The following TULP3 variants were observed in gnomAD, a reference collection of about 807,000 sequenced individuals.
TULP3 encodes tubby-related protein 3.
TULP3 carries 38 observed loss-of-function variants against 50.7 expected under a neutral mutation model. The ratio of observed to expected loss-of-function variants is 0.75; its 90% CI spans 0.58 to 0.98. TULP3 has a LOEUF of 0.98. Ranked by LOEUF, TULP3 falls within the 50% of genes least tolerant of loss-of-function variation. TULP3 has a pLI of 0.00. For missense variants in TULP3, 550 were observed against 568.0 expected, an observed-to-expected ratio of 0.97 and a Z score of 0.32; for synonymous variants, 183 against 196.6, an observed-to-expected ratio of 0.93 and a Z score of 0.58.
chr12:2,940,689 C>T lies in TULP3; in HGVS notation c.*1245C>T, dbSNP rs764518178. The T allele has an allele frequency of 7.3e-5, 114 of 1,551,512 alleles. No individual in the cohort carries two copies. The highest frequency in any genetic ancestry group is 3.7e-4 in the Admixed American group (19 of 50,968). ...CTTCTGTGGACTGACCTCTCACCTC[C>T]GCCTGTTGTTCCTGCACCACATCAG... On this transcript the variant is annotated 3_prime_UTR_variant, in exon 11 of 11. Coordinates refer to ENST00000448120, the MANE Select transcript of TULP3 (RefSeq NM_003324.5).
At chr12:2,930,756 C>G in intron 5 of TULP3, 1 of 525,404 alleles carries the variant, frequency 1.9e-6, no homozygotes, top group South Asian at 2.1e-5. Context: ...AATACCATTA[C>G]TGAGTGAGGG....
Position 2,934,506 on chromosome 12 carries a change from GC to G in TULP3, c.871del (p.Arg291GlyfsTer4). The G allele has an allele frequency of 6.2e-7, 1 of 1,605,246 alleles. No homozygotes were observed. The highest frequency in any genetic ancestry group is 8.5e-7 in the Non-Finnish European group (1 of 1,176,204). On this transcript the variant is annotated frameshift_variant, in exon 8 of 11. Coordinates refer to ENST00000448120, the MANE Select transcript of TULP3 (RefSeq NM_003324.5). LOFTEE classifies it high-confidence loss of function. ...GACCGTGGCATCTGCCCCATGAAGG[GC>G]CGGGGTTTGGTAGGAGCGGCCCACA... ...VYDRGICPMK[G>X]RGLVGAAHTR... is the part of the protein sequence containing the mutation.
intron 2 of TULP3, among the ~76,000 whole-genome samples, chr12:2,918,689 G>A (rs560559562): frequency 9.2e-5 from 14 of 151,658 alleles, no homozygotes; most frequent in African/African-American, 2.9e-4. Context: ...ACAGGCATGC[G>A]CCGCCACATC....
chr12:2,898,420 C>T (rs1008537751), intron 1 of TULP3, among the ~76,000 whole-genome samples: 5 of 152,142 alleles, frequency 3.3e-5, no homozygotes, highest in African/African-American at 1.2e-4. Flanking sequence ...CCGCCTCAGC[C>T]TCCCTAGCAG....
chr12:2,938,635 T>C (rs768238574), intron 10 of TULP3, among the ~76,000 whole-genome samples: 15 of 151,202 alleles, frequency 9.9e-5, no homozygotes, highest in Non-Finnish European at 2.1e-4. Flanking sequence ...AATAGAAAAA[T>C]TAGCTGGGCG....
intron 1 of TULP3, among the ~76,000 whole-genome samples, chr12:2,902,314 A>AT (rs757267622): frequency 3.2e-4 from 48 of 152,318 alleles, no homozygotes; most frequent in Non-Finnish European, 6.5e-4. Flanking sequence ...TCAGTAAAGG[A>AT]AGCCTTCACT....
chr12:2,919,205 CAG>C (rs1380430803), intron 2 of TULP3, among the ~76,000 whole-genome samples: 1 of 152,156 alleles, frequency 6.6e-6, no homozygotes, highest in African/African-American at 2.4e-5. Flanking sequence ...AGAAGAATCT[CAG>C]TGGCCAATTC....
rs1392407554 is a variant in TULP3 at position 2,939,198 on chromosome 12, T to C, written c.1196-113T>C. 2.5e-5 allele frequency: 31 copies of C among 1,236,276 alleles called. No homozygotes were observed. In the East Asian group the frequency reaches 5.9e-4, roughly 24 times the overall value. The allele number at this position is 1,236,276 out of a possible 1,614,324, so 76.6% of individuals were successfully genotyped here. ...GTGAGCTGTGGTCATTCCACTAGGCTCCAGCCAGGGCGACAGAGCAAAACC... is the reference window on the plus strand; with the variant it reads ...GTGAGCTGTGGTCATTCCACTAGGCCCCAGCCAGGGCGACAGAGCAAAACC... On this transcript the variant is annotated intron_variant, in intron 10 of 10. Transcript: ENST00000448120. The surrounding 1 kb of genome is among the most constrained non-coding windows in gnomAD (Gnocchi z 4.0).
intron 2 of TULP3, among the ~76,000 whole-genome samples, chr12:2,917,687 C>G (rs2153949372): frequency 6.6e-6 from 1 of 151,944 alleles, no homozygotes; most frequent in Admixed American, 6.6e-5. Flanking sequence ...ACCATCCTGG[C>G]CAACACGGTG....
chr12:2,930,090 T>A (rs544379488), intron 4 of TULP3, among the ~76,000 whole-genome samples, 158 bp from the exon 5 acceptor site: 1 of 152,208 alleles, frequency 6.6e-6, no homozygotes, highest in African/African-American at 2.4e-5. Context: ...ACTTTCTGTC[T>A]CTATGAATTT....
intron 1 of TULP3, among the ~76,000 whole-genome samples, chr12:2,899,345 CAAAAA>C (rs55818833): frequency 2.4e-5 from 2 of 82,832 alleles, no homozygotes; most frequent in Admixed American, 1.4e-4. Context: ...AACGACGTCT[CAAAAA>C]AAAAAAAAAA....
intron 2 of TULP3, among the ~76,000 whole-genome samples, chr12:2,914,089 ATCT>A (rs1042840797): frequency 6.7e-6 from 1 of 149,452 alleles, no homozygotes; most frequent in African/African-American, 2.5e-5. Flanking sequence ...AACATTTCAA[ATCT>A]TCTAGCTATT....
intron 1 of TULP3, among the ~76,000 whole-genome samples, chr12:2,898,742 C>T (rs1228290674): frequency 2.0e-5 from 3 of 151,968 alleles, no homozygotes; most frequent in African/African-American, 7.2e-5. Flanking sequence ...TGCAGTGGTG[C>T]AGTCGTAGCC....
At chr12:2,937,799 C>CCAAAA in intron 9 of TULP3, 70 bp downstream of exon 9, 4 of 720,626 alleles carry the variant, frequency 5.6e-6, no homozygotes, top group African/African-American at 2.7e-5. Flanking sequence ...GAGATTAATA[C>CCAAAA]AAAAAAAAAA....
Position 2,940,553 on chromosome 12 carries a change from C to T in TULP3, c.*1109C>T. On this transcript the variant is annotated 3_prime_UTR_variant, in exon 11 of 11. Coordinates refer to ENST00000448120, the MANE Select transcript of TULP3 (RefSeq NM_003324.5). Reference sequence around the variant, plus strand: ...AGAATGTATCCAAACCTTGAGAATGCAGGAGCTCTGTGAGCTCCACCGTCA... The same window carrying T: ...AGAATGTATCCAAACCTTGAGAATGTAGGAGCTCTGTGAGCTCCACCGTCA... 6.4e-7 allele frequency: 1 copy of T among 1,550,824 alleles called. No homozygotes were observed. The highest frequency in any genetic ancestry group is 8.7e-7 in the Non-Finnish European group (1 of 1,146,498).
chr12:2,934,401 GA>G (rs750665876), intron 7 of TULP3, 45 bp from the exon 8 acceptor site: 67 of 1,322,468 alleles, frequency 5.1e-5, no homozygotes, highest in South Asian at 8.0e-5. Flanking sequence ...GTTTGTATAA[GA>G]AAAAAAATAC....
chr12:2,905,918 T>A (rs2098181935), intron 1 of TULP3, among the ~76,000 whole-genome samples: 1 of 151,838 alleles, frequency 6.6e-6, no homozygotes. Context: ...AGTGCAGATT[T>A]GTAGCAGCAG....
At chr12:2,892,206 C>G (rs979639965) in intron 1 of TULP3, among the ~76,000 whole-genome samples, 1 of 151,970 alleles carries the variant, frequency 6.6e-6, no homozygotes, top group Non-Finnish European at 1.5e-5. Context: ...CATGTATTTT[C>G]CTTTTTCGTC....
chr12:2,924,713 G>T (rs2098193697), intron 4 of TULP3, among the ~76,000 whole-genome samples: 1 of 151,128 alleles, frequency 6.6e-6, no homozygotes, highest in Non-Finnish European at 1.5e-5. Flanking sequence ...ATTGGGTTGG[G>T]TGGAGTGGCT....
Sources: allele counts gnomAD v4.1 joint callset (sites outside exome capture counted in the v4.1 genomes callset), GRCh38; gene constraint gnomAD v4.1.1; non-coding constraint Gnocchi (gnomAD v3.1); transcripts MANE v1.5; gene names NCBI Gene and HGNC (gene_info 2026-07-23, HGNC 2026-07-21).